The following KLF12 variants were observed in gnomAD, a reference collection of about 807,000 sequenced individuals.
KLF12 encodes the protein KLF transcription factor 12.
In KLF12, 9 loss-of-function variants were observed where a neutral mutation model predicts 37.8. That is an observed-to-expected ratio of 0.24 (90% CI 0.14 to 0.42). The LOEUF (loss-of-function observed/expected upper bound fraction) is 0.42, where lower values mean the gene tolerates loss of function less well. KLF12 is among the 10% of genes least tolerant of loss of function. KLF12 has a pLI of 1.00. For synonymous variants in KLF12, 208 were observed against 202.1 expected (o/e 1.03, Z -0.25); for missense variants, 411 against 516.0 (o/e 0.80, Z 1.97).
chr13:73,879,892 TA>T (rs1193701292), intron 3 of KLF12, among the ~76,000 whole-genome samples: 1 of 152,180 alleles, frequency 6.6e-6, no homozygotes, highest in African/African-American at 2.4e-5. Context: ...ACAGCCTAAA[TA>T]AAATACTTAC....
chr13:73,821,527 C>CT (rs1353267090), intron 4 of KLF12, among the ~76,000 whole-genome samples: 2 of 152,196 alleles, frequency 1.3e-5, no homozygotes, highest in Admixed American at 1.3e-4. Flanking sequence ...AGTGCTCTTG[C>CT]TTTTACCCAA....
the KLF12 span, among the ~76,000 whole-genome samples, chr13:74,160,231 G>A: frequency 6.6e-6 from 1 of 152,168 alleles, no homozygotes; most frequent in Non-Finnish European, 1.5e-5. Flanking sequence ...CGACTGTGGT[G>A]TAATGGTATA....
chr13:74,230,813 C>T, the KLF12 span, among the ~76,000 whole-genome samples: 1 of 152,194 alleles, frequency 6.6e-6, no homozygotes, highest in Admixed American at 6.5e-5. Flanking sequence ...GCTTCCATCT[C>T]CTGTTGACCT....
chr13:74,223,347 G>T, the KLF12 span, among the ~76,000 whole-genome samples: 1 of 152,156 alleles, frequency 6.6e-6, no homozygotes, highest in South Asian at 2.1e-4. Context: ...TAGAACTTTT[G>T]TGAAAATCTA....
At chr13:73,867,219 A>C (rs1432500520) in intron 3 of KLF12, among the ~76,000 whole-genome samples, 1 of 152,074 alleles carries the variant, frequency 6.6e-6, no homozygotes, top group Non-Finnish European at 1.5e-5. Flanking sequence ...TAAGAAAATA[A>C]AAGTTGAAAG....
intron 7 of KLF12, among the ~76,000 whole-genome samples, chr13:73,696,647 G>A (rs1375893893): frequency 6.6e-6 from 1 of 152,122 alleles, no homozygotes; most frequent in Non-Finnish European, 1.5e-5. Flanking sequence ...CTGGTGAAAA[G>A]AGCCTAAGAT....
At chr13:73,927,569 C>A (rs1889453644) in intron 3 of KLF12, among the ~76,000 whole-genome samples, 1 of 152,030 alleles carries the variant, frequency 6.6e-6, no homozygotes, top group East Asian at 1.9e-4. Flanking sequence ...TTAACATCTA[C>A]CTCTTTATTT....
chr13:73,842,437 A>G (rs1338983637), intron 4 of KLF12, among the ~76,000 whole-genome samples: 1 of 152,210 alleles, frequency 6.6e-6, no homozygotes, highest in African/African-American at 2.4e-5. Context: ...GACAGAAACA[A>G]CATCTGCTTT....
chr13:73,757,286 G>C (rs1279737854), intron 6 of KLF12, among the ~76,000 whole-genome samples: 3 of 152,148 alleles, frequency 2.0e-5, no homozygotes, highest in Non-Finnish European at 4.4e-5. Flanking sequence ...AAACAGCTGT[G>C]ACAAAACCTG....
At chr13:74,037,804 C>G (rs7322163) in intron 1 of KLF12, among the ~76,000 whole-genome samples, 26,004 of 152,046 alleles carry the variant, frequency 0.17, 2,571 homozygotes, top group African/African-American at 0.27. Context: ...GTGGACTGGG[C>G]AATGAATACA....
chr13:73,994,188 A>AGTTT (rs773857267), intron 2 of KLF12, among the ~76,000 whole-genome samples: 13 of 152,218 alleles, frequency 8.5e-5, no homozygotes, highest in Non-Finnish European at 1.5e-4. Flanking sequence ...AGACATAGCA[A>AGTTT]GTTGTGCATT....
intron 1 of KLF12, among the ~76,000 whole-genome samples, chr13:74,110,922 G>A (rs1054451202): frequency 1.3e-5 from 2 of 152,132 alleles, no homozygotes; most frequent in Non-Finnish European, 2.9e-5. Flanking sequence ...GAAGGCTGAG[G>A]TGGGCGGATC....
rs983550255 is a variant in KLF12 at position 73,688,792 on chromosome 13, T to A, written c.*6698A>T. 3 of 152,274 alleles carry A rather than the reference T, an allele frequency of 2.0e-5. No individual in the cohort carries two copies. Among genetic ancestry groups the A allele is most frequent in the Non-Finnish European group, 2.9e-5 (2 of 68,034 alleles). The allele number at this position is 152,274 out of a possible 1,614,324, so 9.4% of individuals were successfully genotyped here. A position where few individuals can be genotyped will look rare whatever the true frequency, so the allele number is the denominator to read the frequency against. ...GATGACTACTCATGCATGTTGTCCA[T>A]AATAAAATTACTGAGAGTCAGGAAT... is the stretch of plus-strand genomic sequence containing the variant. On this transcript the variant is annotated 3_prime_UTR_variant, in exon 8 of 8. Transcript: ENST00000377669.
chr13:74,276,189 T>C, the KLF12 span, among the ~76,000 whole-genome samples: 1 of 151,976 alleles, frequency 6.6e-6, no homozygotes, highest in Admixed American at 6.6e-5. Flanking sequence ...CCATGTGTTC[T>C]CATTGTTCAA....
At chr13:74,122,003 G>A (rs1465010652) in intron 1 of KLF12, among the ~76,000 whole-genome samples, 1 of 151,958 alleles carries the variant, frequency 6.6e-6, no homozygotes, top group African/African-American at 2.4e-5. Flanking sequence ...AAATGGGGGG[G>A]AAAATTAAAT....
the KLF12 span, among the ~76,000 whole-genome samples, chr13:74,252,408 C>T: frequency 6.6e-6 from 1 of 152,206 alleles, no homozygotes; most frequent in Non-Finnish European, 1.5e-5. Context: ...TTCTCAGATG[C>T]AGCCTTATGT....
At chr13:74,260,628 T>TAAAATAAAATAAA in the KLF12 span, among the ~76,000 whole-genome samples, 2 of 139,992 alleles carry the variant, frequency 1.4e-5, no homozygotes, top group African/African-American at 5.4e-5. Flanking sequence ...TAAAATAAAA[T>TAAAATAAAATAAA]AGTGAATTAA....
intron 1 of KLF12, among the ~76,000 whole-genome samples, chr13:74,048,638 A>T (rs934052761): frequency 6.6e-6 from 1 of 152,174 alleles, no homozygotes; most frequent in Admixed American, 6.5e-5. Flanking sequence ...TGGAATAGAT[A>T]AGGAAATAAG....
the KLF12 span, among the ~76,000 whole-genome samples, chr13:74,264,542 A>T: frequency 1.3e-5 from 2 of 152,314 alleles, no homozygotes; most frequent in South Asian, 4.1e-4. Context: ...ATAGCCACAG[A>T]ATCCAAATTC....
Sources: gnomAD v4.1 joint callset for allele counts (sites outside exome capture counted in the v4.1 genomes callset) on GRCh38, gnomAD v4.1.1 for gene constraint, MANE v1.5 for transcripts, NCBI Gene and HGNC (gene_info 2026-07-23, HGNC 2026-07-21) for gene names.